DMD: variants seen among roughly 807,000 people sequenced by gnomAD.
DMD encodes the protein mutant dystrophin.
A neutral mutation model predicts 330.1 loss-of-function variants in DMD; 63 were observed. The observed-to-expected ratio is 0.19, with a 90% confidence interval of 0.16 to 0.24. DMD has a LOEUF of 0.24. Ranked by LOEUF, DMD falls within the 10% of genes least tolerant of loss-of-function variation. The probability of loss-of-function intolerance (pLI) is 1.00; values close to 1 mark genes in which losing one functional copy is unlikely to be tolerated. For missense variants in DMD, 3,344 were observed against 2,684.1 expected (o/e 1.25, Z -5.43); for synonymous variants, 1,223 against 959.8 (o/e 1.27, Z -5.07).
At chrX:33,069,371 T>C (rs949514824) in intron 1 of DMD, among the ~76,000 whole-genome samples, 1 of 111,688 alleles carries the variant, frequency 9.0e-6, no homozygotes, top group Non-Finnish European at 1.9e-5. Flanking sequence ...TTCACGTTGA[T>C]TTATTGCCTT....
chrX:33,049,317 C>T (rs1650105331), intron 1 of DMD, among the ~76,000 whole-genome samples: 1 of 111,702 alleles, frequency 9.0e-6, no homozygotes, highest in East Asian at 2.8e-4. Context: ...ACGTCACATA[C>T]TTTTTACCTG....
intron 1 of DMD, among the ~76,000 whole-genome samples, chrX:33,140,945 T>C (rs1286957558): frequency 1.8e-5 from 2 of 112,345 alleles, no homozygotes; most frequent in Non-Finnish European, 3.8e-5. Flanking sequence ...TATACGTGTG[T>C]GTATATATAT....
At chrX:33,154,124 C>T (rs760933642) in intron 1 of DMD, among the ~76,000 whole-genome samples, 11 of 112,142 alleles carry the variant, frequency 9.8e-5, no homozygotes, top group Non-Finnish European at 1.5e-4. Flanking sequence ...TGGCCAGGCA[C>T]GGTGGCTCAT....
chrX:32,626,678 G>C (rs1402915083), intron 11 of DMD, among the ~76,000 whole-genome samples: 3 of 103,946 alleles, frequency 2.9e-5, no homozygotes, highest in Non-Finnish European at 5.7e-5. Context: ...ATTGGGGGCT[G>C]GGGAAGGAAT....
intron 52 of DMD, among the ~76,000 whole-genome samples, chrX:31,695,591 T>A: frequency 9.1e-6 from 1 of 110,365 alleles, no homozygotes; most frequent in East Asian, 2.8e-4. Flanking sequence ...AAAAAAATTT[T>A]AAAAACCTAG....
chrX:32,616,802 T>G (rs1441687374), intron 11 of DMD, among the ~76,000 whole-genome samples: 1 of 103,398 alleles, frequency 9.7e-6, no homozygotes, highest in Non-Finnish European at 2.0e-5. Flanking sequence ...GACCTCTGGG[T>G]TGACATAAAG....
chrX:32,671,506 T>G (rs938705936), intron 9 of DMD, among the ~76,000 whole-genome samples: 5 of 111,849 alleles, frequency 4.5e-5, no homozygotes, highest in African/African-American at 1.6e-4. Context: ...TACTTGGCTA[T>G]TTCTGCATAT....
chrX:31,334,052 C>T (rs990021651), intron 61 of DMD, among the ~76,000 whole-genome samples: 2 of 111,439 alleles, frequency 1.8e-5, no homozygotes, highest in African/African-American at 6.5e-5. Flanking sequence ...CCTGCCTCAG[C>T]CTCCCAAGTA....
intron 44 of DMD, among the ~76,000 whole-genome samples, chrX:32,177,663 C>G (rs1011578607): frequency 3.6e-5 from 4 of 110,737 alleles, no homozygotes; most frequent in Non-Finnish European, 5.7e-5. Flanking sequence ...TCATGAGATT[C>G]ATCATGGTTG....
chrX:31,245,323 A>G (rs994512895), intron 63 of DMD, among the ~76,000 whole-genome samples: 1 of 111,600 alleles, frequency 9.0e-6, no homozygotes, highest in African/African-American at 3.3e-5. Flanking sequence ...GTATCTTTCC[A>G]TCTTCTTGAG....
At position 31,439,089 on chromosome X, in the gene DMD, T is replaced by C. The variant is rs188800500; in HGVS notation, c.9084+5392A>G. ...AGACCAAGTTTCCAGTAAGAAATTA[T>C]TGAATAATTTGTAAACCAGAGATAA... On this transcript the variant is annotated intron_variant, in intron 60 of 78. Transcript: ENST00000357033. 4.5e-3 allele frequency among the ~76,000 whole-genome samples: 500 copies of C among 111,876 alleles called. 3 individuals carry two copies. Among genetic ancestry groups the C allele is most frequent in the African/African-American group, 0.015 (477 of 30,865 alleles).
At chrX:32,977,505 A>C (rs1324667425) in intron 2 of DMD, among the ~76,000 whole-genome samples, 1 of 110,327 alleles carries the variant, frequency 9.1e-6, no homozygotes, top group Admixed American at 9.8e-5. Context: ...TATAAGACTC[A>C]ACCCAGAGTA....
intron 2 of DMD, among the ~76,000 whole-genome samples, chrX:33,006,715 A>G (rs927457029): frequency 2.7e-5 from 3 of 111,335 alleles, no homozygotes; most frequent in African/African-American, 6.5e-5. Flanking sequence ...AGATAAATGT[A>G]TTTATTCTTG....
intron 2 of DMD, among the ~76,000 whole-genome samples, chrX:32,900,852 A>G (rs1366310574): frequency 1.8e-5 from 2 of 111,884 alleles, no homozygotes; most frequent in African/African-American, 6.5e-5. Flanking sequence ...ATATTTTGTT[A>G]AAATTATGAA....
At chrX:31,233,578 ACT>A (rs779423769) in intron 63 of DMD, among the ~76,000 whole-genome samples, 11 of 110,848 alleles carry the variant, frequency 9.9e-5, no homozygotes, top group Admixed American at 2.9e-4. Context: ...TGAATTTATC[ACT>A]CTCTCTTACA....
At chrX:31,284,557 TTTCTTCTTCTTCTTCTTCTTC>T (rs201340042) in intron 62 of DMD, among the ~76,000 whole-genome samples, 128 of 78,069 alleles carry the variant, frequency 1.6e-3, no homozygotes, top group East Asian at 4.2e-3. Flanking sequence ...TAACGAACTG[TTTCTTCTTCTTCTTCTTCTTC>T]TTCTTCTTCT....
intron 9 of DMD, among the ~76,000 whole-genome samples, chrX:32,680,560 A>G (rs958576024): frequency 8.9e-6 from 1 of 112,178 alleles, no homozygotes; most frequent in Non-Finnish European, 1.9e-5. Context: ...ATTTATTGAG[A>G]AAAACAATTA....
chrX:32,841,511 A>G (rs1323663214), intron 4 of DMD, among the ~76,000 whole-genome samples: 1 of 112,065 alleles, frequency 8.9e-6, no homozygotes, highest in Non-Finnish European at 1.9e-5. Flanking sequence ...GAGAGAGAGA[A>G]CAATGCAAGA....
intron 2 of DMD, among the ~76,000 whole-genome samples, chrX:33,010,241 T>TATGTGTGTATATGTGTAC (rs1569549294): frequency 9.0e-5 from 9 of 100,017 alleles, no homozygotes; most frequent in Non-Finnish European, 1.4e-4. Flanking sequence ...TATATGTACA[T>TATGTGTGTATATGTGTAC]ATGTGTGTAT....
Sources: allele counts gnomAD v4.1 joint callset (sites outside exome capture counted in the v4.1 genomes callset), GRCh38; gene constraint gnomAD v4.1.1; transcripts MANE v1.5; gene names NCBI Gene and HGNC (gene_info 2026-07-23, HGNC 2026-07-21).